Variants in NAV3 observed in about 807,000 individuals in gnomAD.
NAV3 encodes the protein pore membrane and/or filament interacting like protein 1.
In NAV3, 87 loss-of-function variants were observed where a neutral mutation model predicts 244.7. The observed-to-expected ratio is 0.36, with a 90% CI of 0.30 to 0.42. The LOEUF (loss-of-function observed/expected upper bound fraction) is 0.42, where lower values mean the gene tolerates loss of function less well. Among genes scored for constraint, NAV3 ranks in the 20% least tolerant of loss-of-function variants. NAV3 has a pLI of 1.00. For synonymous variants in NAV3, 1,126 were observed against 1,042.2 expected, an observed-to-expected ratio of 1.08 and a Z score of -1.55; for missense variants, 2,663 against 2,893.3, an observed-to-expected ratio of 0.92 and a Z score of 1.83.
At chr12:78,095,602 C>A (rs547762975) in intron 12 of NAV3, among the ~76,000 whole-genome samples, 1 of 152,064 alleles carries the variant, frequency 6.6e-6, no homozygotes, top group East Asian at 1.9e-4. Context: ...GGGAGAGATA[C>A]CAGTTAGGAG....
At chr12:78,189,556 A>G (rs116389227) in intron 33 of NAV3, among the ~76,000 whole-genome samples, 2,950 of 138,988 alleles carry the variant, frequency 0.021, 98 homozygotes, top group African/African-American at 0.069. Context: ...GAACACACAC[A>G]CACCCATATA....
chr12:77,670,316 CA>C (rs1355199449), intron 2 of NAV3, among the ~76,000 whole-genome samples: 5 of 151,772 alleles, frequency 3.3e-5, no homozygotes, highest in African/African-American at 1.2e-4. Flanking sequence ...AATTACCAAC[CA>C]AAAAAGCCCA....
At chr12:78,167,947 T>C (rs1235099153) in intron 23 of NAV3, among the ~76,000 whole-genome samples, 1 of 151,720 alleles carries the variant, frequency 6.6e-6, no homozygotes, top group African/African-American at 2.4e-5. Context: ...TAAATAATTA[T>C]GAAAGTTCAA....
intron 2 of NAV3, among the ~76,000 whole-genome samples, chr12:77,598,480 A>G (rs1342904745): frequency 6.6e-6 from 1 of 152,022 alleles, no homozygotes; most frequent in Non-Finnish European, 1.5e-5. Context: ...CAGTACATTC[A>G]TACATTTGAA....
At chr12:78,152,702 A>G (rs981165990) in intron 22 of NAV3, among the ~76,000 whole-genome samples, 6 of 151,984 alleles carry the variant, frequency 3.9e-5, no homozygotes, top group African/African-American at 1.4e-4. Context: ...CATATTTTTA[A>G]CATGCATGTA....
chr12:77,789,523 A>T (rs1036919666), intron 2 of NAV3, among the ~76,000 whole-genome samples: 12 of 134,232 alleles, frequency 8.9e-5, no homozygotes, highest in South Asian at 4.8e-4. Flanking sequence ...AAAAAAAAAA[A>T]GTCAACTGGG....
intron 9 of NAV3, among the ~76,000 whole-genome samples, chr12:78,043,546 C>A (rs188419917): frequency 5.3e-5 from 8 of 152,240 alleles, no homozygotes; most frequent in African/African-American, 1.9e-4. Context: ...ATACTCCCAC[C>A]GACAGTGTAA....
rs189517775 is a variant in NAV3 at position 78,032,840 on chromosome 12, C to T, written c.2023+10978C>T. ...CCAAGTGATTCTGCCAAATGTAAAGCGAGCCCAAATTTTCATCCCACTGGT... is the reference window on the plus strand; with the variant it reads ...CCAAGTGATTCTGCCAAATGTAAAGTGAGCCCAAATTTTCATCCCACTGGT... On this transcript the variant is annotated intron_variant, in intron 9 of 39. Transcript: ENST00000397909. Among the ~76,000 whole-genome samples, 11 of 152,242 alleles carry T rather than the reference C, an allele frequency of 7.2e-5. No homozygotes were observed. The East Asian group carries it at 1.5e-3, about 21-fold the overall frequency.
chr12:77,670,481 CA>C (rs1200672599), intron 2 of NAV3, among the ~76,000 whole-genome samples: 3 of 151,574 alleles, frequency 2.0e-5, no homozygotes, highest in Non-Finnish European at 4.4e-5. Flanking sequence ...GGAAAGACAG[CA>C]AAAAAAGAAA....
chr12:78,025,322 G>T lies in NAV3; in HGVS notation c.2023+3460G>T, dbSNP rs115314499. Among the ~76,000 whole-genome samples, 1,021 of 152,168 alleles carry T rather than the reference G, an allele frequency of 6.7e-3. 11 individuals are homozygous for T. Among genetic ancestry groups the T allele is most frequent in the African/African-American group, 0.024 (990 of 41,506 alleles). ...GTTGAAATTTGATTTCCTTGGCCAGGCATGGTGGCTCACGCTTGTAATTCT... is the reference window on the plus strand; with the variant it reads ...GTTGAAATTTGATTTCCTTGGCCAGTCATGGTGGCTCACGCTTGTAATTCT... On this transcript the variant is annotated intron_variant, in intron 9 of 39. Transcript: ENST00000397909.
At chr12:77,744,341 GT>G (rs1315522030) in intron 2 of NAV3, among the ~76,000 whole-genome samples, 1 of 151,944 alleles carries the variant, frequency 6.6e-6, no homozygotes, top group Non-Finnish European at 1.5e-5. Context: ...TCAACAAATG[GT>G]TCTCTAACAA....
chr12:78,104,464 T>C (rs543688809), intron 12 of NAV3, among the ~76,000 whole-genome samples: 1 of 152,294 alleles, frequency 6.6e-6, no homozygotes, highest in South Asian at 2.1e-4. Context: ...TATAACACAT[T>C]TGTTTTCAAA....
chr12:77,936,396 A>T (rs995479032), intron 1 of NAV3, among the ~76,000 whole-genome samples: 23 of 152,204 alleles, frequency 1.5e-4, no homozygotes, highest in Admixed American at 1.5e-3. Context: ...GTTGAAGTTC[A>T]TCAAAACAGT....
intron 25 of NAV3, among the ~76,000 whole-genome samples, chr12:78,175,842 AG>A (rs1282378526): frequency 2.0e-5 from 3 of 151,976 alleles, no homozygotes; most frequent in Non-Finnish European, 4.4e-5. Flanking sequence ...GGCTTAAAAT[AG>A]GGGTTTATTG....
At chr12:77,755,570 T>G (rs1869104938) in intron 2 of NAV3, among the ~76,000 whole-genome samples, 1 of 53,154 alleles carries the variant, frequency 1.9e-5, no homozygotes, top group Non-Finnish European at 3.7e-5. Context: ...TTCCTTTCCT[T>G]TCCTTTCCTT....
chr12:78,201,014 C>A (rs1959617051), intron 38 of NAV3, among the ~76,000 whole-genome samples: 2 of 137,186 alleles, frequency 1.5e-5, no homozygotes, highest in East Asian at 2.5e-4. Flanking sequence ...CCCTCCCTCT[C>A]CCCCTCCCCA....
rs1446737661 is a variant in NAV3 at position 78,199,034 on chromosome 12, T to C, written c.6519-301T>C. 1.6e-5 allele frequency: 9 copies of C among 554,788 alleles called. No homozygotes were observed. The Middle Eastern group carries it at 8.4e-4, about 52-fold the overall frequency. The allele number at this position is 554,788 out of a possible 1,614,324, so 34.4% of individuals were successfully genotyped here. ...CTAAGTGTGAGAAATGTGAAGAGAGTTGCTATTTCAGGATTTGTGATTCTC... is the reference window on the plus strand; with the variant it reads ...CTAAGTGTGAGAAATGTGAAGAGAGCTGCTATTTCAGGATTTGTGATTCTC... On this transcript the variant is annotated intron_variant, in intron 36 of 39. Coordinates refer to ENST00000397909, the MANE Select transcript of NAV3 (RefSeq NM_001024383.2).
chr12:78,064,635 G>T (rs1184982502), intron 12 of NAV3, among the ~76,000 whole-genome samples: 1 of 152,016 alleles, frequency 6.6e-6, no homozygotes, highest in Non-Finnish European at 1.5e-5. Flanking sequence ...TATAAATTAG[G>T]GGGTGGAGAC....
intron 2 of NAV3, among the ~76,000 whole-genome samples, chr12:77,627,400 A>C (rs117967208): frequency 0.025 from 3,833 of 152,196 alleles, 62 homozygotes; most frequent in Middle Eastern, 0.085. Context: ...GACAAAGAAG[A>C]CTCAAAGTAG....
Sources: allele counts gnomAD v4.1 joint callset (sites outside exome capture counted in the v4.1 genomes callset), GRCh38; gene constraint gnomAD v4.1.1; transcripts MANE v1.5; gene names NCBI Gene and HGNC (gene_info 2026-07-23, HGNC 2026-07-21).